Variants in MYO16 observed in about 807,000 individuals in gnomAD.
MYO16 encodes unconventional myosin-XVI.
Under a neutral mutation model 205.3 loss-of-function variants are expected in MYO16, and 94 were observed. The observed-to-expected ratio is 0.46, with a 90% CI of 0.39 to 0.54. The LOEUF is 0.54. MYO16 is among the 20% of genes least tolerant of loss of function. The pLI is 0.00. For synonymous variants in MYO16, 988 were observed against 954.0 expected, an observed-to-expected ratio of 1.04 and a Z score of -0.66; for missense variants, 2,315 against 2,387.5, an observed-to-expected ratio of 0.97 and a Z score of 0.63.
chr13:108,648,965 C>T (rs1392177778), intron 1 of MYO16, among the ~76,000 whole-genome samples: 1 of 150,598 alleles, frequency 6.6e-6, no homozygotes, highest in Non-Finnish European at 1.5e-5. Context: ...AAGAGATTGA[C>T]ATTGACAGCC....
At chr13:108,991,044 G>A (rs752445474) in intron 20 of MYO16, among the ~76,000 whole-genome samples, 3 of 152,118 alleles carry the variant, frequency 2.0e-5, no homozygotes, top group East Asian at 1.9e-4. Flanking sequence ...TACCCATAGC[G>A]TACCCATTGG....
In MYO16 at chr13:108,749,407, G is replaced by A. The variant is rs147498831; in HGVS notation, c.507+21824G>A. ...TATAGCTGAAATATACAAAGAACTC[G>A]TAAACCTCAACAATAAGAAAACAAA... On this transcript the variant is annotated intron_variant, in intron 4 of 34. Transcript: ENST00000457511. Among the ~76,000 whole-genome samples the A allele has an allele frequency of 1.5e-3, 234 of 152,136 alleles. 1 individual carries two copies. Among genetic ancestry groups the A allele is most frequent in the Admixed American group, 0.011 (168 of 15,284 alleles).
chr13:108,659,198 A>ATGTGTG (rs199588624), intron 1 of MYO16, among the ~76,000 whole-genome samples: 1 of 146,860 alleles, frequency 6.8e-6, no homozygotes, highest in East Asian at 2.0e-4. Context: ...GTGTATATAT[A>ATGTGTG]TGTGTGTGTG....
chr13:108,646,044 A>G (rs1037770154), intron 1 of MYO16, among the ~76,000 whole-genome samples: 25 of 152,148 alleles, frequency 1.6e-4, no homozygotes, highest in South Asian at 2.1e-4. Flanking sequence ...TTTCAGGCTG[A>G]CTGTAGGTGA....
Position 108,839,778 on chromosome 13 carries a change from C to A in MYO16, c.1098-4565C>A, listed in dbSNP as rs1469607390. ...GAAGATAAAGGAGAACTGATATAAA[C>A]ATAAAGCTCTGTGTCTTCCATGAGT... On this transcript the variant is annotated intron_variant, in intron 9 of 34. Transcript: ENST00000457511. 4.6e-5 allele frequency among the ~76,000 whole-genome samples: 7 copies of A among 152,282 alleles called. No homozygotes were observed. The East Asian group carries it at 1.4e-3, about 29-fold the overall frequency.
chr13:109,035,836 T>C (rs1216761682), intron 23 of MYO16, among the ~76,000 whole-genome samples: 1 of 152,220 alleles, frequency 6.6e-6, no homozygotes, highest in African/African-American at 2.4e-5. Flanking sequence ...GTGATTCTCA[T>C]ACGTAACGTG....
At chr13:108,873,372 CT>C (rs1441648731) in intron 12 of MYO16, among the ~76,000 whole-genome samples, 1 of 152,208 alleles carries the variant, frequency 6.6e-6, no homozygotes, top group African/African-American at 2.4e-5. Flanking sequence ...TATATTAAGC[CT>C]TTGCATAACA....
In MYO16 at chr13:109,127,157, C is replaced by A; in HGVS notation, c.3783-125C>A. 1 of 1,259,490 alleles carries A rather than the reference C, an allele frequency of 7.9e-7. No individual in the cohort carries two copies. Among genetic ancestry groups the A allele is most frequent in the Non-Finnish European group, 1.1e-6 (1 of 939,480 alleles). The allele number at this position is 1,259,490 out of a possible 1,614,324, so 78.0% of individuals were successfully genotyped here. A position where few individuals can be genotyped will look rare whatever the true frequency, so the allele number is the denominator to read the frequency against. The stretch of plus-strand genomic sequence containing the variant: ...CAGAGGGCTGCACACGTCCTCCAGC[C>A]ACAGCAGGAAGGGCTGCTTGCCAAA... On this transcript the variant is annotated intron_variant, in intron 30 of 34. Coordinates refer to ENST00000457511, the MANE Select transcript of MYO16 (RefSeq NM_001198950.3). This position sits in a 1 kb window ranked among gnomAD's most constrained non-coding sequence, Gnocchi z 4.2.
intron 15 of MYO16, among the ~76,000 whole-genome samples, chr13:108,902,853 C>T (rs1374663119): frequency 6.6e-6 from 1 of 152,174 alleles, no homozygotes; most frequent in Non-Finnish European, 1.5e-5. Flanking sequence ...GTTTCAGTTA[C>T]CGGAGTTCAA....
At chr13:108,935,175 A>G (rs1882425379) in intron 16 of MYO16, among the ~76,000 whole-genome samples, 2 of 152,196 alleles carry the variant, frequency 1.3e-5, no homozygotes, top group Admixed American at 1.3e-4. Flanking sequence ...TGGTCGTTTA[A>G]TAGGAATAGA....
intron 28 of MYO16, among the ~76,000 whole-genome samples, chr13:109,113,235 T>C (rs974945654): frequency 1.3e-5 from 2 of 152,146 alleles, no homozygotes; most frequent in African/African-American, 4.8e-5. Flanking sequence ...CTTAAAATTT[T>C]ATTAAGAGGC....
intron 20 of MYO16, 57 bp from the exon 21 acceptor site, chr13:108,992,319 G>A: frequency 8.1e-7 from 1 of 1,236,362 alleles, no homozygotes; most frequent in South Asian, 1.3e-5. Flanking sequence ...AATGAAAAGA[G>A]GGTCATGAAG....
chr13:108,780,485 GGA>G (rs1000626308), intron 4 of MYO16, among the ~76,000 whole-genome samples: 1 of 151,954 alleles, frequency 6.6e-6, no homozygotes, highest in African/African-American at 2.4e-5. Context: ...AGGAAGGGAG[GGA>G]GAGAAGGAAA....
chr13:109,063,132 A>G lies in MYO16; in HGVS notation c.3335+7537A>G, dbSNP rs566042329. On this transcript the variant is annotated intron_variant, in intron 27 of 34. Coordinates refer to ENST00000457511, the MANE Select transcript of MYO16 (RefSeq NM_001198950.3). ...AATGTGGATAATGGACATTTGTTGGACTTTGTAGGTGGACATGAGGTTGTA... is the reference window on the plus strand; with the variant it reads ...AATGTGGATAATGGACATTTGTTGGGCTTTGTAGGTGGACATGAGGTTGTA... 7.2e-5 allele frequency among the ~76,000 whole-genome samples: 11 copies of G among 152,232 alleles called. No individual in the cohort carries two copies. In the South Asian group the frequency reaches 1.7e-3, roughly 23 times the overall value.
chr13:108,737,268 G>A (rs1229849395), intron 4 of MYO16, among the ~76,000 whole-genome samples: 1 of 152,146 alleles, frequency 6.6e-6, no homozygotes, highest in Non-Finnish European at 1.5e-5. Context: ...GATATTGGCT[G>A]TGGGCTTGTC....
chr13:108,504,602 C>T, the MYO16 span, among the ~76,000 whole-genome samples: 1 of 151,898 alleles, frequency 6.6e-6, no homozygotes, highest in Non-Finnish European at 1.5e-5. Context: ...GTGGCATGAT[C>T]TTGGCTCACT....
At chr13:109,170,685 G>A (rs955804085) in intron 33 of MYO16, among the ~76,000 whole-genome samples, 3 of 151,766 alleles carry the variant, frequency 2.0e-5, no homozygotes, top group Non-Finnish European at 2.9e-5. Context: ...TAATAAAAAC[G>A]GCAAGTCATA....
chr13:108,712,710 G>T lies in MYO16; in HGVS notation c.342G>T (p.Ser114=), dbSNP rs199831826. 1 of 1,613,864 alleles carries T rather than the reference G, an allele frequency of 6.2e-7. No homozygotes were observed. Residue 114 remains serine (S), a synonymous_variant, in exon 3 of 35, where the codon TCG becomes TCT. Coordinates refer to ENST00000457511, the MANE Select transcript of MYO16 (RefSeq NM_001198950.3). The part of the protein sequence containing the change: ...EGADPHTLVS[S]GGSLLHLCAR... ...CAGACCCCCACACCCTCGTCTCCTC[G>T]GGAGGGTCCCTGCTCCATCTGGTAA...
chr13:108,899,835 A>C (rs966217981), intron 15 of MYO16, among the ~76,000 whole-genome samples: 2 of 152,254 alleles, frequency 1.3e-5, no homozygotes, highest in African/African-American at 4.8e-5. Context: ...TGGCCCAAGG[A>C]TGAGCACTGC....
Sources: gnomAD v4.1 joint callset for allele counts (sites outside exome capture counted in the v4.1 genomes callset) on GRCh38, gnomAD v4.1.1 for gene constraint, Gnocchi (gnomAD v3.1) non-coding constraint, MANE v1.5 for transcripts, NCBI Gene and HGNC (gene_info 2026-07-23, HGNC 2026-07-21) for gene names.